Variants in ARIH2 observed in about 807,000 individuals in gnomAD.
ARIH2 encodes the protein E3 ubiquitin-protein ligase ARIH2.
ARIH2 carries 12 observed loss-of-function variants against 79.8 expected under a neutral mutation model. The observed-to-expected ratio is 0.15, with a 90% CI of 0.10 to 0.24. The LOEUF is 0.24. ARIH2 is among the 10% of genes least tolerant of loss of function. The pLI is 1.00. For missense variants in ARIH2, 301 were observed against 618.3 expected, an observed-to-expected ratio of 0.49 and a Z score of 5.44; for synonymous variants, 224 against 213.9, an observed-to-expected ratio of 1.05 and a Z score of -0.41.
chr3:48,948,893 T>C (rs2089581977), intron 3 of ARIH2, among the ~76,000 whole-genome samples: 1 of 152,266 alleles, frequency 6.6e-6, no homozygotes, highest in Non-Finnish European at 1.5e-5. Context: ...TTCTCTTTTA[T>C]TGCTGAATAA....
chr3:48,932,550 G>A (rs889904951), intron 3 of ARIH2, among the ~76,000 whole-genome samples: 3 of 152,072 alleles, frequency 2.0e-5, no homozygotes, highest in Admixed American at 1.3e-4. Context: ...CAGTTATTCA[G>A]TGAGTCCTTT....
At chr3:48,952,562 A>G (rs1441105821) in intron 3 of ARIH2, among the ~76,000 whole-genome samples, 1 of 152,128 alleles carries the variant, frequency 6.6e-6, no homozygotes, top group Non-Finnish European at 1.5e-5. Flanking sequence ...GGCCCTTCTG[A>G]TGGGAGTGCT....
chr3:48,973,851 C>A (rs773973790), intron 9 of ARIH2, 35 bp downstream of exon 9: 20 of 1,478,938 alleles, frequency 1.4e-5, no homozygotes, highest in Non-Finnish European at 1.8e-5. Flanking sequence ...TGGATTTGCC[C>A]TCCTTAGTGC....
intron 3 of ARIH2, among the ~76,000 whole-genome samples, chr3:48,959,524 T>C (rs2091010042): frequency 6.7e-6 from 1 of 150,318 alleles, no homozygotes; most frequent in Non-Finnish European, 1.5e-5. Context: ...TATGTGGGCC[T>C]CTGCAAGAAA....
chr3:48,981,618 A>G (rs754637283), intron 13 of ARIH2, 42 bp from the exon 14 acceptor site: 9 of 1,560,484 alleles, frequency 5.8e-6, no homozygotes, highest in Non-Finnish European at 7.9e-6. Context: ...CAGGTAGCTT[A>G]GAATCACAGA....
Position 48,927,501 on chromosome 3 carries a change from T to G in ARIH2, c.-58T>G. 6.3e-7 allele frequency: 1 copy of G among 1,580,166 alleles called. No homozygotes were observed. Among genetic ancestry groups the G allele is most frequent in the Non-Finnish European group, 8.6e-7 (1 of 1,165,980 alleles). ...AATGCATTTGAGAAAGCGGTAGTTT[T>G]GGGGGGAGGGGGAAAAAGCAACTGC... On this transcript the variant is annotated 5_prime_UTR_variant, in exon 3 of 16. Transcript: ENST00000356401.
chr3:48,978,519 A>G (rs1345896176), intron 11 of ARIH2, among the ~76,000 whole-genome samples: 3 of 137,130 alleles, frequency 2.2e-5, no homozygotes, highest in African/African-American at 8.3e-5. Context: ...GTGTTTCACC[A>G]TGTTGGCCAG....
intron 3 of ARIH2, among the ~76,000 whole-genome samples, chr3:48,957,995 T>C (rs543945206): frequency 2.0e-5 from 3 of 152,192 alleles, no homozygotes; most frequent in Non-Finnish European, 4.4e-5. Flanking sequence ...ATTACAGGTG[T>C]GAGCCACTGC....
intron 3 of ARIH2, among the ~76,000 whole-genome samples, chr3:48,937,767 G>T (rs2087366499): frequency 1.3e-5 from 2 of 152,102 alleles, no homozygotes; most frequent in African/African-American, 4.8e-5. Flanking sequence ...TATAAACCTG[G>T]CCAGGCGCGG....
intron 3 of ARIH2, among the ~76,000 whole-genome samples, chr3:48,960,865 TG>T (rs1391350640): frequency 6.6e-6 from 1 of 152,206 alleles, no homozygotes; most frequent in Non-Finnish European, 1.5e-5. Context: ...AACTCATTTT[TG>T]TTGGATATTT....
chr3:48,980,761 T>C (rs955494119), intron 13 of ARIH2, among the ~76,000 whole-genome samples: 6 of 151,964 alleles, frequency 3.9e-5, no homozygotes, highest in Non-Finnish European at 8.8e-5. Flanking sequence ...TTTTGTCCTG[T>C]TTATGTATCA....
intron 3 of ARIH2, among the ~76,000 whole-genome samples, chr3:48,950,776 T>C (rs1290952153): frequency 6.6e-6 from 1 of 152,144 alleles, no homozygotes; most frequent in East Asian, 1.9e-4. Context: ...CTTTTTTATG[T>C]GTTACATGTT....
rs986430677 is a variant in ARIH2 at position 48,985,921 on chromosome 3, T to C, written c.*2651T>C. On this transcript the variant is annotated 3_prime_UTR_variant, in exon 16 of 16. Coordinates refer to ENST00000356401, the MANE Select transcript of ARIH2 (RefSeq NM_006321.4). ...CATGGGAATGTAGGGCTGTGGAATA[T>C]GGCAGGGTGAACTCCAGCTTCACGG... The C allele has an allele frequency of 2.0e-5, 3 of 152,214 alleles. No homozygotes were observed. Among genetic ancestry groups the C allele is most frequent in the Admixed American group, 6.5e-5 (1 of 15,278 alleles). The allele number at this position is 152,214 out of a possible 1,614,324, so 9.4% of individuals were successfully genotyped here. A position where few individuals can be genotyped will look rare whatever the true frequency, so the allele number is the denominator to read the frequency against.
At chr3:48,926,576 GT>G (rs1363066786) in intron 2 of ARIH2, 2 of 150,090 alleles carry the variant, frequency 1.3e-5, no homozygotes, top group African/African-American at 4.9e-5. Context: ...GGCCAATGGA[GT>G]TTCACTCTTG....
In ARIH2 at chr3:48,961,593, TTTTC is replaced by T. The variant is rs781000402; in HGVS notation, c.256-12_256-9del. On this transcript the variant is annotated splice_polypyrimidine_tract_variant and intron_variant, in intron 3 of 15. Coordinates refer to ENST00000356401, the MANE Select transcript of ARIH2 (RefSeq NM_006321.4). ...GAAAATGCAGTTATAATTCGATTTT[TTTTC>T]TTTCTTCTTTCTAGGTATCTCATTC... 9 of 1,517,554 alleles carry T rather than the reference TTTTC, an allele frequency of 5.9e-6. No individual in the cohort carries two copies. The highest frequency in any genetic ancestry group is 1.4e-5 in the African/African-American group (1 of 73,028). 94.0% of individuals were successfully genotyped at this position (1,517,554 alleles called of 1,614,324 possible). A position where few individuals can be genotyped will look rare whatever the true frequency, so the allele number is the denominator to read the frequency against.
At chr3:48,965,359 CA>C (rs533750273) in intron 5 of ARIH2, among the ~76,000 whole-genome samples, 12 of 144,522 alleles carry the variant, frequency 8.3e-5, no homozygotes, top group East Asian at 4.0e-4. Flanking sequence ...GACTCTGTCT[CA>C]AAAAAAAAAG....
intron 5 of ARIH2, 24 bp downstream of exon 5, chr3:48,965,006 G>A (rs1409906715): frequency 1.2e-6 from 2 of 1,605,306 alleles, no homozygotes; most frequent in Non-Finnish European, 1.7e-6. Flanking sequence ...ACTTGAATGA[G>A]GCTTCTCCTA....
chr3:48,959,058 T>C (rs2090945358), intron 3 of ARIH2, among the ~76,000 whole-genome samples: 1 of 152,022 alleles, frequency 6.6e-6, no homozygotes, highest in African/African-American at 2.4e-5. Context: ...GGCTCACGCC[T>C]GTAATCCCAG....
At position 48,974,896 on chromosome 3, in the gene ARIH2, T is replaced by C. The variant is rs111909800; in HGVS notation, c.939+29T>C. The C allele has an allele frequency of 1.1e-5, 17 of 1,614,212 alleles. 1 individual carries two copies. In the African/African-American group the frequency reaches 1.6e-4, roughly 15 times the overall value. Reference sequence around the variant, plus strand: ...AGCAGAAGCCTCTGCAGTTTGCATGTGTGACATGGAAGCTTTGGTCAGTGT... The same window carrying C: ...AGCAGAAGCCTCTGCAGTTTGCATGCGTGACATGGAAGCTTTGGTCAGTGT... On this transcript the variant is annotated intron_variant, in intron 10 of 15. Transcript: ENST00000356401.
Sources: allele counts gnomAD v4.1 joint callset (sites outside exome capture counted in the v4.1 genomes callset), GRCh38; gene constraint gnomAD v4.1.1; transcripts MANE v1.5; gene names NCBI Gene and HGNC (gene_info 2026-07-23, HGNC 2026-07-21).